The following USP6NL variants were observed in gnomAD, a reference collection of about 807,000 sequenced individuals.
USP6NL encodes USP6 N-terminal like, also known as USP6 N-terminal-like protein.
Under a neutral mutation model 61.9 loss-of-function variants are expected in USP6NL, and 26 were observed. The ratio of observed to expected loss-of-function variants is 0.42; its 90% CI spans 0.31 to 0.58. USP6NL has a LOEUF of 0.58. USP6NL is among the 20% of genes least tolerant of loss of function. USP6NL has a pLI of 0.16. For missense variants in USP6NL, 1,114 were observed against 1,034.3 expected, an observed-to-expected ratio of 1.08 and a Z score of -1.06; for synonymous variants, 432 against 390.1, an observed-to-expected ratio of 1.11 and a Z score of -1.27.
At position 11,490,214 on chromosome 10, in the gene USP6NL, A is replaced by C. The variant is rs531164938; in HGVS notation, c.543+618T>G. 2.0e-5 allele frequency among the ~76,000 whole-genome samples: 3 copies of C among 152,332 alleles called. 1 individual carries two copies. Among genetic ancestry groups the C allele is most frequent in the African/African-American group, 7.2e-5 (3 of 41,574 alleles). ...AACTACAATAGAAATTATACATCCC[A>C]AGGTTCAAAGGTCCTCCCTGGGACC... On this transcript the variant is annotated intron_variant, in intron 9 of 14. Coordinates refer to ENST00000609104, the MANE Select transcript of USP6NL (RefSeq NM_014688.5). The surrounding 1 kb of genome is among the most constrained non-coding windows in gnomAD (Gnocchi z 4.5).
Position 11,468,400 on chromosome 10 carries a change from T to G in USP6NL, c.1079-4551A>C, listed in dbSNP as rs1159939440. Among the ~76,000 whole-genome samples the G allele has an allele frequency of 6.6e-6, 1 of 152,210 alleles. No individual in the cohort carries two copies. Among genetic ancestry groups the G allele is most frequent in the Non-Finnish European group, 1.5e-5 (1 of 68,040 alleles). On this transcript the variant is annotated intron_variant, in intron 14 of 14. Coordinates refer to ENST00000609104, the MANE Select transcript of USP6NL (RefSeq NM_014688.5). The surrounding 1 kb of genome is among the most constrained non-coding windows in gnomAD (Gnocchi z 4.5). ...CCTCCTATCAATATTTATTCAAATG[T>G]TCTCATTCTAAAACCTCTTTTTCAC...
At chr10:11,546,664 G>A (rs1264332048) in intron 2 of USP6NL, among the ~76,000 whole-genome samples, 4 of 152,030 alleles carry the variant, frequency 2.6e-5, no homozygotes, top group Non-Finnish European at 5.9e-5. Context: ...GATCCGCCCA[G>A]CCAGGCCTCC....
intron 2 of USP6NL, among the ~76,000 whole-genome samples, chr10:11,555,471 A>AGAAAGAG (rs1566178235): frequency 2.9e-4 from 18 of 62,180 alleles, no homozygotes; most frequent in African/African-American, 1.0e-3. Flanking sequence ...GAGAGAGAGA[A>AGAAAGAG]AGAGAGAGAG....
Position 11,574,052 on chromosome 10 carries a change from A to AT in USP6NL, c.4+23578_4+23579insA, listed in dbSNP as rs1214656868. 6.6e-6 allele frequency among the ~76,000 whole-genome samples: 1 copy of AT among 152,228 alleles called. No homozygotes were observed. Among genetic ancestry groups the AT allele is most frequent in the East Asian group, 1.9e-4 (1 of 5,208 alleles). ...ATTTTCTCACAAAAGCCATGACAGAAAAAATAAAGTGCTCTGCTATAAATT... is the reference window on the plus strand; with the variant it reads ...ATTTTCTCACAAAAGCCATGACAGAATAAAATAAAGTGCTCTGCTATAAATT... On this transcript the variant is annotated intron_variant, in intron 2 of 14. Coordinates refer to ENST00000609104, the MANE Select transcript of USP6NL (RefSeq NM_014688.5). This position sits in a 1 kb window ranked among gnomAD's most constrained non-coding sequence, Gnocchi z 4.3.
intron 2 of USP6NL, among the ~76,000 whole-genome samples, chr10:11,570,911 T>C (rs1189658186): frequency 1.3e-5 from 2 of 152,178 alleles, no homozygotes; most frequent in Non-Finnish European, 1.5e-5. Flanking sequence ...TCCACCAGGT[T>C]ACATTGTCTT....
intron 6 of USP6NL, among the ~76,000 whole-genome samples, chr10:11,505,374 G>GT (rs1304452479): frequency 6.6e-6 from 1 of 152,088 alleles, no homozygotes; most frequent in African/African-American, 2.4e-5. Context: ...CCCTAAAAAG[G>GT]TAGGTACTAT....
In USP6NL at chr10:11,518,422, G is replaced by A. The variant is rs975750730; in HGVS notation, c.195+113C>T. On this transcript the variant is annotated intron_variant, in intron 5 of 14. Transcript: ENST00000609104. The surrounding 1 kb of genome is among the most constrained non-coding windows in gnomAD (Gnocchi z 5.3). ...ATAATGAGGTCCAAAATCTAACAAT[G>A]ACTGTACCATTCCCATATAATATGG... is the stretch of plus-strand genomic sequence containing the variant. 4.5e-5 allele frequency: 41 copies of A among 902,452 alleles called. 1 individual carries two copies. The Middle Eastern group carries it at 6.4e-4, about 14-fold the overall frequency. The allele number at this position is 902,452 out of a possible 1,614,324, so 55.9% of individuals were successfully genotyped here.
In USP6NL at chr10:11,542,428, CATGGTAGAGG is replaced by C. The variant is rs1458788809; in HGVS notation, c.5-14871_5-14862del. Among the ~76,000 whole-genome samples, 18 of 152,192 alleles carry C rather than the reference CATGGTAGAGG, an allele frequency of 1.2e-4. No homozygotes were observed. In the East Asian group the frequency reaches 1.9e-3, roughly 16 times the overall value. Reference sequence around the variant, plus strand: ...ACGTTTGATCCAGGTCCTAAAATAGCATGGTAGAGGCTGGGCACAGTGGCTCATGCCTGTA... The same window carrying C: ...ACGTTTGATCCAGGTCCTAAAATAGCCTGGGCACAGTGGCTCATGCCTGTA... On this transcript the variant is annotated intron_variant, in intron 2 of 14. Coordinates refer to ENST00000609104, the MANE Select transcript of USP6NL (RefSeq NM_014688.5).
chr10:11,487,482 T>C lies in USP6NL; in HGVS notation c.665-1571A>G, dbSNP rs1451513156. Among the ~76,000 whole-genome samples the C allele has an allele frequency of 1.3e-5, 2 of 152,208 alleles. No individual in the cohort carries two copies. The highest frequency in any genetic ancestry group is 4.8e-5 in the African/African-American group (2 of 41,454). The stretch of plus-strand genomic sequence containing the variant: ...AGCTATCAAATAGGTTTAAAAGAAA[T>C]GACCACTTCCTAAAATTGGACAGTC... On this transcript the variant is annotated intron_variant, in intron 10 of 14. Transcript: ENST00000609104. This position sits in a 1 kb window ranked among gnomAD's most constrained non-coding sequence, Gnocchi z 4.2.
Position 11,532,224 on chromosome 10 carries a change from A to G in USP6NL, c.5-4657T>C, listed in dbSNP as rs960732207. 3.7e-6 allele frequency: 6 copies of G among 1,603,476 alleles called. No homozygotes were observed. In the Admixed American group the frequency reaches 8.5e-5, roughly 23 times the overall value. On this transcript the variant is annotated intron_variant, in intron 2 of 14. Coordinates refer to ENST00000609104, the MANE Select transcript of USP6NL (RefSeq NM_014688.5). The surrounding 1 kb of genome is among the most constrained non-coding windows in gnomAD (Gnocchi z 4.1). ...GGCCTTGGGAATTAACAACAGCTTC[A>G]GTCCTCATAGAGTAACTTATCTATT...
Position 11,592,890 on chromosome 10 carries a change from T to C in USP6NL, c.4+4741A>G, listed in dbSNP as rs900856660. Among the ~76,000 whole-genome samples, 16 of 152,364 alleles carry C rather than the reference T, an allele frequency of 1.1e-4. No homozygotes were observed. The highest frequency in any genetic ancestry group is 3.6e-4 in the African/African-American group (15 of 41,582). On this transcript the variant is annotated intron_variant, in intron 2 of 14. Coordinates refer to ENST00000609104, the MANE Select transcript of USP6NL (RefSeq NM_014688.5). This position sits in a 1 kb window ranked among gnomAD's most constrained non-coding sequence, Gnocchi z 4.7. ...TAACAAATATTAAAACAAATTGTTC[T>C]TCACTTCAGCATGAACACTTAGTCC...
Position 11,597,668 on chromosome 10 carries a change from G to C in USP6NL, c.-34C>G. 1 of 1,548,146 alleles carries C rather than the reference G, an allele frequency of 6.5e-7. No individual in the cohort carries two copies. Among genetic ancestry groups the C allele is most frequent in the Non-Finnish European group, 8.7e-7 (1 of 1,143,852 alleles). On this transcript the variant is annotated 5_prime_UTR_variant, in exon 2 of 15. It adds an upstream start codon to the 5' untranslated region. Transcript: ENST00000609104. The surrounding 1 kb of genome is among the most constrained non-coding windows in gnomAD (Gnocchi z 4.6). ...ATGGGTCTGAATGTTGTCCCAATCAGATATTAAACCAAAATCTGCTGTCCA... is the reference window on the plus strand; with the variant it reads ...ATGGGTCTGAATGTTGTCCCAATCACATATTAAACCAAAATCTGCTGTCCA...
intron 6 of USP6NL, among the ~76,000 whole-genome samples, chr10:11,508,161 ATTTCC>A (rs1371259780): frequency 1.4e-5 from 2 of 141,580 alleles, no homozygotes; most frequent in Non-Finnish European, 3.1e-5. Context: ...ACTAAGTTAG[ATTTCC>A]TTTTTTTCCT....
Position 11,468,298 on chromosome 10 carries a change from T to C in USP6NL, c.1079-4449A>G, listed in dbSNP as rs570413073. 2.0e-5 allele frequency among the ~76,000 whole-genome samples: 3 copies of C among 152,344 alleles called. No individual in the cohort carries two copies. The highest frequency in any genetic ancestry group is 6.5e-5 in the Admixed American group (1 of 15,304). On this transcript the variant is annotated intron_variant, in intron 14 of 14. Transcript: ENST00000609104. The surrounding 1 kb of genome is among the most constrained non-coding windows in gnomAD (Gnocchi z 4.5). The stretch of plus-strand genomic sequence containing the variant: ...CTCCACATCCTTTCCCAGATGACTG[T>C]CAATCACAGTTCACTCAGTCGAATG...
Position 11,462,374 on chromosome 10 carries a change from A to T in USP6NL, c.*67T>A. The T allele has an allele frequency of 6.6e-7, 1 of 1,523,454 alleles. No individual in the cohort carries two copies. Among genetic ancestry groups the T allele is most frequent in the Non-Finnish European group, 8.8e-7 (1 of 1,131,858 alleles). The allele number at this position is 1,523,454 out of a possible 1,614,324, so 94.4% of individuals were successfully genotyped here. On this transcript the variant is annotated 3_prime_UTR_variant, in exon 15 of 15. Transcript: ENST00000609104. The stretch of plus-strand genomic sequence containing the variant: ...CAATAGTATAAATACTGCTTTGGCA[A>T]TTATGAACATAGCAATGTAGGTTTC...
intron 2 of USP6NL, among the ~76,000 whole-genome samples, chr10:11,590,812 G>A (rs143694322): frequency 5.9e-5 from 9 of 152,076 alleles, no homozygotes; most frequent in East Asian, 5.8e-4. Flanking sequence ...CGGAGAACAC[G>A]CACCTGCATT....
intron 14 of USP6NL, among the ~76,000 whole-genome samples, chr10:11,464,847 T>A (rs1832380946): frequency 6.6e-6 from 1 of 152,188 alleles, no homozygotes; most frequent in Non-Finnish European, 1.5e-5. Context: ...TTCAGAAAAG[T>A]TTTCTTTGTT....
At chr10:11,483,767 C>T (rs1369719298) in intron 13 of USP6NL, among the ~76,000 whole-genome samples, 1 of 151,666 alleles carries the variant, frequency 6.6e-6, no homozygotes, top group Non-Finnish European at 1.5e-5. Flanking sequence ...AGATGACAGA[C>T]TTGAATCCTG....
intron 8 of USP6NL, among the ~76,000 whole-genome samples, chr10:11,492,767 T>A (rs964871185): frequency 6.6e-6 from 1 of 152,240 alleles, no homozygotes; most frequent in African/African-American, 2.4e-5. Flanking sequence ...AAAAAAAGTT[T>A]CATTTATGCA....
Sources: gnomAD v4.1 joint callset for allele counts (sites outside exome capture counted in the v4.1 genomes callset) on GRCh38, gnomAD v4.1.1 for gene constraint, Gnocchi (gnomAD v3.1) non-coding constraint, MANE v1.5 for transcripts, NCBI Gene and HGNC (gene_info 2026-07-23, HGNC 2026-07-21) for gene names.